The following SIPA1L1 variants were observed in gnomAD, a reference collection of about 807,000 sequenced individuals.
SIPA1L1 encodes signal induced proliferation associated 1 like 1.
In SIPA1L1, 26 loss-of-function variants were observed where a neutral mutation model predicts 162.7. The ratio of observed to expected loss-of-function variants is 0.16; its 90% CI spans 0.12 to 0.22. The LOEUF (loss-of-function observed/expected upper bound fraction) is 0.22, where lower values mean the gene tolerates loss of function less well. SIPA1L1 is among the 10% of genes least tolerant of loss of function. The pLI is 1.00. For missense variants in SIPA1L1, 1,874 were observed against 2,241.0 expected (o/e 0.84, Z 3.31); for synonymous variants, 829 against 837.4 (o/e 0.99, Z 0.17).
At position 71,739,290 on chromosome 14, in the gene SIPA1L1, G is replaced by A. The variant is rs572599815; in HGVS notation, c.*129G>A. 1.0e-5 allele frequency: 8 copies of A among 791,472 alleles called. No homozygotes were observed. The East Asian group carries it at 2.2e-4, about 22-fold the overall frequency. The allele number at this position is 791,472 out of a possible 1,614,324, so 49.0% of individuals were successfully genotyped here. On this transcript the variant is annotated 3_prime_UTR_variant, in exon 24 of 24. Transcript: ENST00000381232. The stretch of plus-strand genomic sequence containing the variant: ...GCTTCCTACTCTGCCCCCTTTCGGG[G>A]AGTGCACAACACAATAGTTGCAGAT...
chr14:71,719,095 C>T (rs531897912), intron 17 of SIPA1L1, among the ~76,000 whole-genome samples: 2 of 152,162 alleles, frequency 1.3e-5, no homozygotes, highest in African/African-American at 4.8e-5. Context: ...CATGCCACCA[C>T]ACCTGGCTAA....
intron 2 of SIPA1L1, among the ~76,000 whole-genome samples, chr14:71,364,801 A>AGTGC (rs2038131097): frequency 6.6e-6 from 1 of 151,530 alleles, no homozygotes; most frequent in Non-Finnish European, 1.5e-5. Flanking sequence ...GCTGGAGTGC[A>AGTGC]GTAGTGCGAT....
chr14:71,359,831 G>A (rs2037628023), intron 2 of SIPA1L1, among the ~76,000 whole-genome samples: 1 of 152,192 alleles, frequency 6.6e-6, no homozygotes, highest in Non-Finnish European at 1.5e-5. Context: ...TATTATCAAT[G>A]GAACTGGTTC....
At chr14:71,689,073 A>G (rs775749564) in intron 13 of SIPA1L1, among the ~76,000 whole-genome samples, 28 of 152,206 alleles carry the variant, frequency 1.8e-4, no homozygotes, top group Non-Finnish European at 7.3e-5. Context: ...TTTAATTTGT[A>G]TGTAGTATCC....
intron 2 of SIPA1L1, among the ~76,000 whole-genome samples, chr14:71,488,682 C>T (rs547379000): frequency 1.5e-4 from 23 of 152,258 alleles, no homozygotes; most frequent in African/African-American, 3.9e-4. Context: ...ACTCTTTCTT[C>T]CTTGTCACTG....
At chr14:71,681,305 C>T (rs1032785099) in intron 12 of SIPA1L1, among the ~76,000 whole-genome samples, 5 of 152,166 alleles carry the variant, frequency 3.3e-5, no homozygotes, top group East Asian at 1.9e-4. Flanking sequence ...GGGTCTTCAC[C>T]GTCATTCCCG....
chr14:71,735,517 C>A, intron 22 of SIPA1L1, 126 bp downstream of exon 22: 1 of 604,040 alleles, frequency 1.7e-6, no homozygotes. Flanking sequence ...CAGGGCTAGA[C>A]ACTTTACATT....
Position 71,672,406 on chromosome 14 carries a change from A to G in SIPA1L1, c.2888A>G (p.Gln963Arg). The change falls in exon 12 of 24, where the codon CAG becomes CGG. Residue 963 changes from glutamine to arginine, a missense_variant. Transcript: ENST00000381232. ...ACTCTGCGAAGAAATGGGCTAGGAC[A>G]GCTTGGCTTCCATGTCAACTATGAG... ...EMTLRRNGLG[Q>R]LGFHVNYEGI... 6.2e-7 allele frequency: 1 copy of G among 1,614,248 alleles called. No individual in the cohort carries two copies. The highest frequency in any genetic ancestry group is 8.5e-7 in the Non-Finnish European group (1 of 1,180,044).
chr14:71,525,112 T>C (rs1219896678), intron 3 of SIPA1L1, among the ~76,000 whole-genome samples: 2 of 152,078 alleles, frequency 1.3e-5, no homozygotes, highest in East Asian at 3.9e-4. Context: ...TAGCTGGGAC[T>C]GCAGGCTCAC....
chr14:71,340,963 G>C (rs60347165), intron 2 of SIPA1L1, among the ~76,000 whole-genome samples: 3,455 of 152,222 alleles, frequency 0.023, 121 homozygotes, highest in African/African-American at 0.078. Context: ...AAGTTAAGTG[G>C]TATATAAGTG....
At chr14:71,395,231 G>T (rs756914480) in intron 2 of SIPA1L1, among the ~76,000 whole-genome samples, 3 of 152,196 alleles carry the variant, frequency 2.0e-5, no homozygotes, top group Non-Finnish European at 4.4e-5. Flanking sequence ...CAGCCACAGA[G>T]CATGTGTTGT....
chr14:71,396,681 A>G (rs966475083), intron 2 of SIPA1L1, among the ~76,000 whole-genome samples: 1 of 152,144 alleles, frequency 6.6e-6, no homozygotes, highest in Non-Finnish European at 1.5e-5. Context: ...ATTAACCCTA[A>G]TTACGTTGTG....
In SIPA1L1 at chr14:71,417,261, G is replaced by T. The variant is rs373881557; in HGVS notation, c.-464-95482G>T. On this transcript the variant is annotated intron_variant, in intron 2 of 23. Transcript: ENST00000381232. ...CCGAGGCGGGTGGATCACGAGGTCAGGAGATCGAGACCATCCTGGCTAACA... is the reference window on the plus strand; with the variant it reads ...CCGAGGCGGGTGGATCACGAGGTCATGAGATCGAGACCATCCTGGCTAACA... Among the ~76,000 whole-genome samples the T allele has an allele frequency of 3.6e-4, 55 of 151,852 alleles. No homozygotes were observed. The East Asian group carries it at 9.3e-3, about 26-fold the overall frequency.
At chr14:71,572,994 G>C (rs192616951) in intron 4 of SIPA1L1, among the ~76,000 whole-genome samples, 27 of 152,290 alleles carry the variant, frequency 1.8e-4, no homozygotes, top group Non-Finnish European at 3.1e-4. Flanking sequence ...TCCACAACAG[G>C]ACTTCAACAT....
chr14:71,645,406 C>A (rs2042071053), intron 7 of SIPA1L1, among the ~76,000 whole-genome samples: 1 of 152,164 alleles, frequency 6.6e-6, no homozygotes, highest in Non-Finnish European at 1.5e-5. Flanking sequence ...AATTACTCTG[C>A]CTGCCAGTCT....
chr14:71,459,188 G>A (rs2046402904), intron 2 of SIPA1L1, among the ~76,000 whole-genome samples: 1 of 152,156 alleles, frequency 6.6e-6, no homozygotes, highest in African/African-American at 2.4e-5. Context: ...CCATTTTAAA[G>A]GGGAGAGTAA....
At chr14:71,498,347 C>T (rs1283057258) in intron 2 of SIPA1L1, among the ~76,000 whole-genome samples, 1 of 152,182 alleles carries the variant, frequency 6.6e-6, no homozygotes, top group Non-Finnish European at 1.5e-5. Flanking sequence ...TCCTTTTCTG[C>T]TGTTAGCATG....
At chr14:71,545,317 T>A (rs2055085399) in intron 4 of SIPA1L1, among the ~76,000 whole-genome samples, 1 of 152,264 alleles carries the variant, frequency 6.6e-6, no homozygotes, top group East Asian at 1.9e-4. Context: ...ATAGACATTT[T>A]AATAATACTG....
chr14:71,736,389 T>A (rs1171273049), intron 22 of SIPA1L1, among the ~76,000 whole-genome samples: 2 of 152,100 alleles, frequency 1.3e-5, no homozygotes, highest in African/African-American at 2.4e-5. Flanking sequence ...ACAGCGAAAC[T>A]CTGTCTTAAG....
Sources: gnomAD v4.1 joint callset for allele counts (sites outside exome capture counted in the v4.1 genomes callset) on GRCh38, gnomAD v4.1.1 for gene constraint, MANE v1.5 for transcripts, NCBI Gene and HGNC (gene_info 2026-07-23, HGNC 2026-07-21) for gene names.